NTMT1: variants seen among roughly 807,000 people sequenced by gnomAD.
NTMT1 encodes N-terminal Xaa-Pro-Lys N-methyltransferase 1.
In NTMT1, 8 loss-of-function variants were observed where a neutral mutation model predicts 17.5. The ratio of observed to expected loss-of-function variants is 0.46; its 90% CI spans 0.27 to 0.82. The LOEUF is 0.82. NTMT1 is among the 40% of genes least tolerant of loss of function. NTMT1 has a pLI of 0.15. For missense variants in NTMT1, 221 were observed against 303.5 expected, an observed-to-expected ratio of 0.73 and a Z score of 2.02; for synonymous variants, 128 against 126.8, an observed-to-expected ratio of 1.01 and a Z score of -0.06.
Position 129,626,366 on chromosome 9 carries a change from T to C in NTMT1, c.-55+71T>C, listed in dbSNP as rs374925378. 3 of 152,292 alleles carry C rather than the reference T, an allele frequency of 2.0e-5. No individual in the cohort carries two copies. The East Asian group carries it at 5.8e-4, about 30-fold the overall frequency. 9.4% of individuals were successfully genotyped at this position (152,292 alleles called of 1,614,324 possible). A position where few individuals can be genotyped will look rare whatever the true frequency, so the allele number is the denominator to read the frequency against. On this transcript the variant is annotated intron_variant, in intron 1 of 3. Coordinates refer to ENST00000372483, the MANE Select transcript of NTMT1 (RefSeq NM_014064.4). ...GGGGAGGCTGCGACCCCTAACTGTT[T>C]CGGCGCCCTGAGGTCCCGGGTCCCC...
intron 3 of NTMT1, 145 bp downstream of exon 3, chr9:129,634,451 C>G: frequency 1.1e-6 from 1 of 878,796 alleles, no homozygotes; most frequent in Non-Finnish European, 1.7e-6. Context: ...ACCCCCACCC[C>G]GTACTTCCCA....
intron 1 of NTMT1, among the ~76,000 whole-genome samples, chr9:129,617,293 G>A (rs549173349): frequency 7.2e-5 from 11 of 152,208 alleles, no homozygotes; most frequent in Non-Finnish European, 1.6e-4. Context: ...TCAGGACAGT[G>A]CCTGGCTACA....
intron 1 of NTMT1, among the ~76,000 whole-genome samples, chr9:129,632,311 G>A (rs1287904252): frequency 6.6e-6 from 1 of 152,226 alleles, no homozygotes; most frequent in African/African-American, 2.4e-5. Context: ...AGGCATGGTG[G>A]CACACAACTG....
In NTMT1 at chr9:129,620,736, G is replaced by T; in HGVS notation, c.-55+11558G>T. 1 of 569,848 alleles carries T rather than the reference G, an allele frequency of 1.8e-6. No homozygotes were observed. The highest frequency in any genetic ancestry group is 2.6e-6 in the Non-Finnish European group (1 of 383,980). The allele number at this position is 569,848 out of a possible 1,614,324, so 35.3% of individuals were successfully genotyped here. A position where few individuals can be genotyped will look rare whatever the true frequency, so the allele number is the denominator to read the frequency against. On this transcript the variant is annotated intron_variant, in intron 1 of 3. Transcript: ENST00000372486. This position sits in a 1 kb window ranked among gnomAD's most constrained non-coding sequence, Gnocchi z 5.8. Reference sequence around the variant, plus strand: ...GCCCGGCGGACAGCGAGTGGCTTCAGGCGAGAGCTCCCAGAGCCTCTGTTT... The same window carrying T: ...GCCCGGCGGACAGCGAGTGGCTTCATGCGAGAGCTCCCAGAGCCTCTGTTT...
At position 129,620,342 on chromosome 9, in the gene NTMT1, G is replaced by A; in HGVS notation, c.-55+11164G>A. 1 of 1,230,006 alleles carries A rather than the reference G, an allele frequency of 8.1e-7. No individual in the cohort carries two copies. Among genetic ancestry groups the A allele is most frequent in the Non-Finnish European group, 1.0e-6 (1 of 986,316 alleles). The allele number at this position is 1,230,006 out of a possible 1,614,324, so 76.2% of individuals were successfully genotyped here. A position where few individuals can be genotyped will look rare whatever the true frequency, so the allele number is the denominator to read the frequency against. ...CGCGGTGAGCAAGGCGGGCAGGCGC[G>A]GCGGGAGGCGTCCGACGCCCACCCC... On this transcript the variant is annotated intron_variant, in intron 1 of 3. Transcript: ENST00000372486. The surrounding 1 kb of genome is among the most constrained non-coding windows in gnomAD (Gnocchi z 5.8).
Position 129,635,754 on chromosome 9 carries a change from G to A in NTMT1, c.*290G>A, listed in dbSNP as rs774392110. On this transcript the variant is annotated 3_prime_UTR_variant, in exon 4 of 4. Transcript: ENST00000372483. ...CCTGGTGCTCCCCATGTGGGAATAG[G>A]GTGGCCACATCAGTAACCGATTCCC... 2.8e-6 allele frequency: 1 copy of A among 356,760 alleles called. No individual in the cohort carries two copies. The highest frequency in any genetic ancestry group is 5.1e-6 in the Non-Finnish European group (1 of 194,312). The allele number at this position is 356,760 out of a possible 1,614,324, so 22.1% of individuals were successfully genotyped here. A position where few individuals can be genotyped will look rare whatever the true frequency, so the allele number is the denominator to read the frequency against.
At position 129,620,290 on chromosome 9, in the gene NTMT1, C is replaced by A. The variant is rs962226952; in HGVS notation, c.-55+11112C>A. ...GAGGCGGCAGCAGGGACCGCAGCAG[C>A]CCCCGCTTCCGCACGGCCCGCCGGG... On this transcript the variant is annotated intron_variant, in intron 1 of 3. Transcript: ENST00000372486. This position sits in a 1 kb window ranked among gnomAD's most constrained non-coding sequence, Gnocchi z 5.8. 2.5e-4 allele frequency: 311 copies of A among 1,262,280 alleles called. No homozygotes were observed. Among genetic ancestry groups the A allele is most frequent in the Non-Finnish European group, 2.8e-4 (283 of 1,001,018 alleles). 78.2% of individuals were successfully genotyped at this position (1,262,280 alleles called of 1,614,324 possible). A position where few individuals can be genotyped will look rare whatever the true frequency, so the allele number is the denominator to read the frequency against.
chr9:129,635,405 G>C lies in NTMT1; in HGVS notation c.613G>C (p.Glu205Gln), dbSNP rs1831487879. 20 of 1,613,394 alleles carry C rather than the reference G, an allele frequency of 1.2e-5. No homozygotes were observed. Among genetic ancestry groups the C allele is most frequent in the Non-Finnish European group, 1.5e-5 (18 of 1,180,000 alleles). Reference sequence around the variant, plus strand: ...TGCAGGCCTCAGCCTCCTGGCCGAGGAGAGGCAGGAGAACCTCCCCGATGA... The same window carrying C: ...TGCAGGCCTCAGCCTCCTGGCCGAGCAGAGGCAGGAGAACCTCCCCGATGA... ...CSAGLSLLAE[E>Q]RQENLPDEIY... Residue 205 changes from glutamate to glutamine, a missense_variant, in exon 4 of 4, where the codon GAG becomes CAG. Glu to Gln is a conservative substitution (Grantham distance 29). Transcript: ENST00000372483.
At position 129,634,075 on chromosome 9, in the gene NTMT1, A is replaced by G. The variant is rs1831362302; in HGVS notation, c.184A>G (p.Thr62Ala). ...TCAGGAAGGCCCGAACAAGACAGGA[A>G]CGTCCTGTGCCCTGGACTGTGGAGC... is the stretch of plus-strand genomic sequence containing the variant. ...FLREGPNKTG[T>A]SCALDCGAGI... Residue 62 changes from threonine (T) to alanine (A), a missense_variant, in exon 3 of 4, where the codon ACG becomes GCG. Thr to Ala is a moderately conservative substitution (Grantham distance 58). Transcript: ENST00000372483. 1 of 1,613,928 alleles carries G rather than the reference A, an allele frequency of 6.2e-7. No individual in the cohort carries two copies. The highest frequency in any genetic ancestry group is 1.3e-5 in the African/African-American group (1 of 74,920).
rs769882744 is a variant in NTMT1 at position 129,635,345 on chromosome 9, C to T, written c.553C>T (p.Arg185Trp). ...GGACGACGTGGACAGCAGCGTGTGC[C>T]GGGACCTTGACGTGGTCCGCAGGAT... ...ILDDVDSSVC[R>W]DLDVVRRIIC... Residue 185 changes from arginine (R) to tryptophan (W), a missense_variant, in exon 4 of 4, where the codon CGG (arginine) becomes TGG (tryptophan). Coordinates refer to ENST00000372483, the MANE Select transcript of NTMT1 (RefSeq NM_014064.4). The T allele has an allele frequency of 2.5e-6, 4 of 1,613,796 alleles. No individual in the cohort carries two copies. Among genetic ancestry groups the T allele is most frequent in the South Asian group, 1.1e-5 (1 of 91,090 alleles).
Position 129,619,905 on chromosome 9 carries a change from G to A in NTMT1, c.-55+10727G>A, listed in dbSNP as rs996241941. On this transcript the variant is annotated intron_variant, in intron 1 of 3. Transcript: ENST00000372486. ...TCTAGTCATGTGGCCTCGGGGTGAT[G>A]GCAGACCAGCCCTCAAGGACGGGTT... The A allele has an allele frequency of 4.5e-6, 7 of 1,539,194 alleles. No individual in the cohort carries two copies. In the African/African-American group the frequency reaches 9.5e-5, roughly 21 times the overall value.
In NTMT1 at chr9:129,613,101, GC is replaced by G; in HGVS notation, c.-55+3926del. On this transcript the variant is annotated intron_variant, in intron 1 of 3. Transcript: ENST00000372486. This position sits in a 1 kb window ranked among gnomAD's most constrained non-coding sequence, Gnocchi z 6.2. ...TCTAGGTCCAGGAGCAAGACCATTT[GC>G]CCACCTGCTCCAGGTTTCTGTGCGG... is the stretch of plus-strand genomic sequence containing the variant. 1 of 1,613,720 alleles carries G rather than the reference GC, an allele frequency of 6.2e-7. No homozygotes were observed.
intron 3 of NTMT1, chr9:129,634,564 A>T (rs1558872): frequency 2.3e-6 from 1 of 426,504 alleles, no homozygotes; most frequent in Non-Finnish European, 4.1e-6. Flanking sequence ...TTTTTGTTGA[A>T]AAAATTTTAA....
chr9:129,628,541 G>A (rs1289183611), intron 1 of NTMT1: 1 of 152,182 alleles, frequency 6.6e-6, no homozygotes, highest in African/African-American at 2.4e-5. Flanking sequence ...TTGTCTGTAG[G>A]ATTTTCTTAG....
At chr9:129,618,103 G>A (rs1830483235) in intron 1 of NTMT1, among the ~76,000 whole-genome samples, 1 of 152,166 alleles carries the variant, frequency 6.6e-6, no homozygotes, top group African/African-American at 2.4e-5. Context: ...TCTGCTGTGG[G>A]TATGAGATGA....
intron 1 of NTMT1, among the ~76,000 whole-genome samples, chr9:129,618,064 C>T (rs1317711547): frequency 6.6e-6 from 1 of 152,156 alleles, no homozygotes; most frequent in Non-Finnish European, 1.5e-5. Context: ...TTCTGAGGCT[C>T]AGTGGGGAAA....
intron 1 of NTMT1, chr9:129,612,445 G>A (rs747667473): frequency 2.1e-5 from 34 of 1,611,818 alleles, no homozygotes; most frequent in Non-Finnish European, 2.8e-5. Context: ...CGGTTGGGCA[G>A]GAGGGACTCC....
rs1227286882 is a variant in NTMT1 at position 129,626,183 on chromosome 9, G to A, written c.-167G>A. The A allele has an allele frequency of 6.6e-6, 1 of 152,180 alleles. No homozygotes were observed. Among genetic ancestry groups the A allele is most frequent in the Non-Finnish European group, 1.5e-5 (1 of 68,026 alleles). 9.4% of individuals were successfully genotyped at this position (152,180 alleles called of 1,614,324 possible). ...AAGGCAGCGCGCGCCGCGAGCTGTCGCGTCTGGTCGTGGTCTGGCGGAGCT... is the reference window on the plus strand; with the variant it reads ...AAGGCAGCGCGCGCCGCGAGCTGTCACGTCTGGTCGTGGTCTGGCGGAGCT... On this transcript the variant is annotated 5_prime_UTR_variant, in exon 1 of 4. Transcript: ENST00000372483.
In NTMT1 at chr9:129,634,421, TCCCCACCCCGCCCAGGCCCAC is replaced by T. The variant is rs570485742; in HGVS notation, c.415+126_415+146del. On this transcript the variant is annotated intron_variant, in intron 3 of 3. Coordinates refer to ENST00000372483, the MANE Select transcript of NTMT1 (RefSeq NM_014064.4). ...CTGCAGCAAGTGGGCCAGTGAGGATTCCCCACCCCGCCCAGGCCCACCCCCACCCCGTACTTCCCAGGACTG... is the reference window on the plus strand; with the variant it reads ...CTGCAGCAAGTGGGCCAGTGAGGATTCCCCACCCCGTACTTCCCAGGACTG... 41 of 1,276,766 alleles carry T rather than the reference TCCCCACCCCGCCCAGGCCCAC, an allele frequency of 3.2e-5. 1 individual carries two copies. The South Asian group carries it at 5.0e-4, about 16-fold the overall frequency. 79.1% of individuals were successfully genotyped at this position (1,276,766 alleles called of 1,614,324 possible).
Sources: gnomAD v4.1 joint callset for allele counts (sites outside exome capture counted in the v4.1 genomes callset) on GRCh38, gnomAD v4.1.1 for gene constraint, Gnocchi (gnomAD v3.1) non-coding constraint, MANE v1.5 for transcripts, NCBI Gene and HGNC (gene_info 2026-07-23, HGNC 2026-07-21) for gene names.